The following CENPK variants were observed in gnomAD, a reference collection of about 807,000 sequenced individuals.
CENPK encodes centromere protein K, also known as SoxLZ/Sox6-binding protein Solt.
CENPK carries 46 observed loss-of-function variants against 40.9 expected under a neutral mutation model. That is an observed-to-expected ratio of 1.13 (90% CI 0.89 to 1.44). CENPK has a LOEUF of 1.44. Ranked by LOEUF, CENPK falls within the 40% of genes most tolerant of loss-of-function variation. CENPK has a pLI of 0.00. For synonymous variants in CENPK, 107 were observed against 104.4 expected (o/e 1.02, Z -0.15); for missense variants, 288 against 303.5 (o/e 0.95, Z 0.38).
At chr5:65,498,005 AGAAG>A in the CENPK span, among the ~76,000 whole-genome samples, 1 of 152,220 alleles carries the variant, frequency 6.6e-6, no homozygotes, top group African/African-American at 2.4e-5. Flanking sequence ...AAAAATGCCA[AGAAG>A]GAAGAAATTG....
chr5:65,537,331 G>A (rs1009309870), intron 6 of CENPK, among the ~76,000 whole-genome samples: 7 of 152,062 alleles, frequency 4.6e-5, no homozygotes, highest in Non-Finnish European at 2.9e-5. Flanking sequence ...TTGAGACGGA[G>A]TCTCGCTCTG....
intron 6 of CENPK, among the ~76,000 whole-genome samples, chr5:65,531,660 T>C (rs1429810115): frequency 1.3e-5 from 2 of 152,134 alleles, no homozygotes; most frequent in Non-Finnish European, 2.9e-5. Context: ...CATGCCACCA[T>C]ACCCAACTAA....
chr5:65,498,220 T>A, the CENPK span, among the ~76,000 whole-genome samples: 3 of 152,016 alleles, frequency 2.0e-5, no homozygotes, highest in Non-Finnish European at 1.5e-5. Context: ...ATATTATATA[T>A]CTCTCTAATG....
intron 2 of CENPK, among the ~76,000 whole-genome samples, chr5:65,560,416 A>G (rs1751764826): frequency 6.6e-6 from 1 of 152,126 alleles, no homozygotes; most frequent in Non-Finnish European, 1.5e-5. Context: ...GGCCAAATGG[A>G]GAGATTTCTG....
At chr5:65,545,655 A>G (rs1748805682) in intron 5 of CENPK, among the ~76,000 whole-genome samples, 1 of 152,206 alleles carries the variant, frequency 6.6e-6, no homozygotes. Context: ...GAAGATCAGG[A>G]AGGAAGAACA....
the CENPK span, among the ~76,000 whole-genome samples, chr5:65,505,280 G>A: frequency 2.0e-5 from 3 of 152,046 alleles, no homozygotes; most frequent in Non-Finnish European, 4.4e-5. Flanking sequence ...CTGTCCTTAA[G>A]TTACTATCCT....
chr5:65,511,771 C>T, the CENPK span, among the ~76,000 whole-genome samples: 1 of 152,188 alleles, frequency 6.6e-6, no homozygotes, highest in African/African-American at 2.4e-5. Flanking sequence ...AATGCCTCAT[C>T]ATCTTAGGTA....
chr5:65,496,995 T>C, the CENPK span, among the ~76,000 whole-genome samples: 1 of 152,024 alleles, frequency 6.6e-6, no homozygotes, highest in Non-Finnish European at 1.5e-5. Flanking sequence ...GGCGGAGCAT[T>C]GCAGTGAGCT....
the CENPK span, among the ~76,000 whole-genome samples, chr5:65,507,805 C>A: frequency 6.6e-6 from 1 of 152,278 alleles, no homozygotes; most frequent in Admixed American, 6.5e-5. Context: ...TATGTAGGAT[C>A]CCACCTTACA....
intron 5 of CENPK, chr5:65,551,120 C>A: frequency 2.7e-6 from 1 of 365,080 alleles, no homozygotes; most frequent in Non-Finnish European, 5.3e-6. Flanking sequence ...CATGGTGGCA[C>A]ACACTTGTAG....
the CENPK span, among the ~76,000 whole-genome samples, chr5:65,505,830 C>T: frequency 1.8e-4 from 28 of 152,178 alleles, 1 homozygote; most frequent in Admixed American, 1.8e-3. Flanking sequence ...TCACAAACTT[C>T]TATGTGACAT....
intron 5 of CENPK, 48 bp from the exon 6 acceptor site, chr5:65,542,896 T>C (rs1748227983): frequency 1.3e-6 from 2 of 1,507,500 alleles, no homozygotes; most frequent in Non-Finnish European, 1.8e-6. Flanking sequence ...TAGTTAATTC[T>C]CAAAAATCAA....
At position 65,547,418 on chromosome 5, in the gene CENPK, T is replaced by C. The variant is rs557088873; in HGVS notation, c.241+4146A>G. 2.7e-5 allele frequency among the ~76,000 whole-genome samples: 4 copies of C among 150,712 alleles called. No individual in the cohort carries two copies. The East Asian group carries it at 7.8e-4, about 29-fold the overall frequency. On this transcript the variant is annotated intron_variant, in intron 5 of 10. Transcript: ENST00000396679. Reference sequence around the variant, plus strand: ...AAAAAAAAAAAAAAAATTTTGAGTATGAGCAGTTTTTGAGATGCTAAATAT... The same window carrying C: ...AAAAAAAAAAAAAAAATTTTGAGTACGAGCAGTTTTTGAGATGCTAAATAT...
At position 65,528,458 on chromosome 5, in the gene CENPK, CTTTTT is replaced by C; in HGVS notation, c.586_590del (p.Lys196GlufsTer17). On this transcript the variant is annotated frameshift_variant, in exon 9 of 11. Coordinates refer to ENST00000396679, the MANE Select transcript of CENPK (RefSeq NM_022145.5). LOFTEE classifies it high-confidence loss of function. The stretch of plus-strand genomic sequence containing the variant: ...TGTCTTCTCTAAAACTTACCTTTTT[CTTTTT>C]AACACTTCTATCAGGCAGAGGAAAA... 4 of 1,587,186 alleles carry C rather than the reference CTTTTT, an allele frequency of 2.5e-6. No homozygotes were observed. Among genetic ancestry groups the C allele is most frequent in the Non-Finnish European group, 3.4e-6 (4 of 1,172,898 alleles).
the CENPK span, among the ~76,000 whole-genome samples, chr5:65,501,183 T>G: frequency 4.4e-5 from 6 of 135,012 alleles, no homozygotes; most frequent in African/African-American, 8.3e-5. Flanking sequence ...TGTTTTTTTT[T>G]TTTTTTTTTT....
the CENPK span, among the ~76,000 whole-genome samples, chr5:65,502,965 AT>A: frequency 6.6e-6 from 1 of 151,342 alleles, no homozygotes; most frequent in East Asian, 2.0e-4. Context: ...TGCCTGGCTA[AT>A]TTTTGTATTT....
At position 65,537,398 on chromosome 5, in the gene CENPK, G is replaced by A. The variant is rs112093435; in HGVS notation, c.288+5404C>T. 1.1e-3 allele frequency among the ~76,000 whole-genome samples: 174 copies of A among 152,198 alleles called. 1 individual carries two copies. The highest frequency in any genetic ancestry group is 4.1e-3 in the African/African-American group (169 of 41,524). On this transcript the variant is annotated intron_variant, in intron 6 of 10. Coordinates refer to ENST00000396679, the MANE Select transcript of CENPK (RefSeq NM_022145.5). ...CGGCTCACTGCAAGGTCCTCCTCCCGGGTTCACGCCATTCTCCTGCCTCAG... is the reference window on the plus strand; with the variant it reads ...CGGCTCACTGCAAGGTCCTCCTCCCAGGTTCACGCCATTCTCCTGCCTCAG...
intron 2 of CENPK, among the ~76,000 whole-genome samples, chr5:65,557,017 G>A (rs1456213672): frequency 6.6e-6 from 1 of 152,212 alleles, no homozygotes; most frequent in East Asian, 1.9e-4. Flanking sequence ...TGTACTTACA[G>A]TTGTGAGGAT....
downstream of CENPK, among the ~76,000 whole-genome samples, chr5:65,514,228 A>ATATTTTTTTTTTTTTTT (rs199873665): frequency 1.6e-4 from 10 of 61,644 alleles, no homozygotes; most frequent in East Asian, 3.5e-4. Context: ...GCCTCACATA[A>ATATTTTTTTTTTTTTTT]TCTTTTTTTT....
Sources: gnomAD v4.1 joint callset for allele counts (sites outside exome capture counted in the v4.1 genomes callset) on GRCh38, gnomAD v4.1.1 for gene constraint, MANE v1.5 for transcripts, NCBI Gene and HGNC (gene_info 2026-07-23, HGNC 2026-07-21) for gene names.